NUDC: variants seen among roughly 807,000 people sequenced by gnomAD.
NUDC encodes nuclear migration protein nudC.
A neutral mutation model predicts 45.0 loss-of-function variants in NUDC; 14 were observed. The observed-to-expected ratio is 0.31, with a 90% CI of 0.21 to 0.49. The LOEUF (loss-of-function observed/expected upper bound fraction) is 0.49, where lower values mean the gene tolerates loss of function less well. Ranked by LOEUF, NUDC falls within the 20% of genes least tolerant of loss-of-function variation. The pLI is 0.99. For synonymous variants in NUDC, 153 were observed against 156.7 expected (o/e 0.98, Z 0.17); for missense variants, 323 against 426.2 (o/e 0.76, Z 2.13).
At chr1:26,912,105 A>G (rs952418425) in intron 3 of NUDC, 1 of 1,612,474 alleles carries the variant, frequency 6.2e-7, no homozygotes, top group Non-Finnish European at 8.5e-7. Context: ...AGAGAGGGAG[A>G]AGAGGGCTGG....
At chr1:26,905,151 ATTATTATTTTTT>A (rs2081997430) in intron 2 of NUDC, among the ~76,000 whole-genome samples, 1 of 105,028 alleles carries the variant, frequency 9.5e-6, no homozygotes, top group Admixed American at 1.1e-4. Context: ...TATTATTATT[ATTATTATTTTTT>A]TTTTTTTTTT....
intron 2 of NUDC, among the ~76,000 whole-genome samples, chr1:26,905,691 A>G (rs935065060): frequency 2.0e-5 from 3 of 151,768 alleles, no homozygotes; most frequent in African/African-American, 7.2e-5. Context: ...TAGGGAGGGT[A>G]TCCCTCACAG....
Position 26,946,510 on chromosome 1 carries a change from C to T in NUDC, c.*329C>T. The T allele has an allele frequency of 2.5e-6, 1 of 405,142 alleles. No homozygotes were observed. The highest frequency in any genetic ancestry group is 2.2e-5 in the South Asian group (1 of 45,986). 25.1% of individuals were successfully genotyped at this position (405,142 alleles called of 1,614,324 possible). A position where few individuals can be genotyped will look rare whatever the true frequency, so the allele number is the denominator to read the frequency against. ...CCAGATTCTGCCATGTGACCTAGGGCACATCCTTGCCCCTCTCTGGGCCTC... is the reference window on the plus strand; with the variant it reads ...CCAGATTCTGCCATGTGACCTAGGGTACATCCTTGCCCCTCTCTGGGCCTC... On this transcript the variant is annotated 3_prime_UTR_variant, in exon 9 of 9. Transcript: ENST00000321265.
At chr1:26,927,369 A>G (rs1296550217) in intron 2 of NUDC, among the ~76,000 whole-genome samples, 1 of 143,468 alleles carries the variant, frequency 7.0e-6, no homozygotes, top group Non-Finnish European at 1.5e-5. Flanking sequence ...TAGCCTCCCA[A>G]AGTGCTGGGA....
intron 6 of NUDC, among the ~76,000 whole-genome samples, chr1:26,944,273 A>C (rs149583878): frequency 6.6e-6 from 1 of 152,192 alleles, no homozygotes; most frequent in African/African-American, 2.4e-5. Flanking sequence ...CAGTGGCGCA[A>C]TCACGGCTTA....
At chr1:26,908,577 T>G (rs11801849) in intron 2 of NUDC, among the ~76,000 whole-genome samples, 3,678 of 152,194 alleles carry the variant, frequency 0.024, 153 homozygotes, top group African/African-American at 0.083. Context: ...TTATTTGTTT[T>G]GAGACAGGGT....
chr1:26,945,874 G>T (rs374111089), intron 8 of NUDC, among the ~76,000 whole-genome samples, 188 bp downstream of exon 8: 2 of 152,094 alleles, frequency 1.3e-5, no homozygotes, highest in African/African-American at 2.4e-5. Flanking sequence ...GGGCAAGGCC[G>T]GCTCATGGTG....
At chr1:26,913,571 C>A in intron 3 of NUDC, 1 of 1,614,114 alleles carries the variant, frequency 6.2e-7, no homozygotes, top group South Asian at 1.1e-5. Context: ...CTGGGCTCCT[C>A]CAGCAGAATC....
At chr1:26,927,126 G>A (rs2082138896) in intron 2 of NUDC, among the ~76,000 whole-genome samples, 3 of 152,076 alleles carry the variant, frequency 2.0e-5, no homozygotes, top group Admixed American at 2.0e-4. Context: ...AGAAGACTTT[G>A]TGAGGAAGTG....
At chr1:26,915,935 G>A (rs1397570305) in intron 3 of NUDC, among the ~76,000 whole-genome samples, 1 of 152,100 alleles carries the variant, frequency 6.6e-6, no homozygotes, top group South Asian at 2.1e-4. Flanking sequence ...GACTGGCTGG[G>A]TTCAAATCCT....
Position 26,900,401 on chromosome 1 carries a change from G to A in NUDC, c.-101+1G>A. 3.1e-6 allele frequency: 5 copies of A among 1,612,698 alleles called. No homozygotes were observed. The highest frequency in any genetic ancestry group is 1.1e-5 in the South Asian group (1 of 91,054). On this transcript the variant is annotated splice_donor_variant, in intron 1 of 6. Transcript: ENST00000435827. LOFTEE classifies it low-confidence loss of function (5UTR_SPLICE). ...CGGAGGGGATACCGCTCACTACCAGGTAAACTGTCGCCTCCTCCTCCGCCT... is the reference window on the plus strand; with the variant it reads ...CGGAGGGGATACCGCTCACTACCAGATAAACTGTCGCCTCCTCCTCCGCCT...
intron 2 of NUDC, among the ~76,000 whole-genome samples, chr1:26,938,193 G>A (rs1235832713): frequency 6.6e-6 from 1 of 152,192 alleles, no homozygotes; most frequent in African/African-American, 2.4e-5. Context: ...CAACCCTGGG[G>A]TTATCTGTCT....
chr1:26,924,231 C>T lies in NUDC; in HGVS notation c.159+65C>T, dbSNP rs2082113504. On this transcript the variant is annotated intron_variant, in intron 2 of 8. Transcript: ENST00000321265. Reference sequence around the variant, plus strand: ...TCTTCAGAAGAAAAGCTCACCTGGCCTTTCTTTGGCATAATAGTAACTTTC... The same window carrying T: ...TCTTCAGAAGAAAAGCTCACCTGGCTTTTCTTTGGCATAATAGTAACTTTC... The T allele has an allele frequency of 5.1e-6, 7 of 1,363,384 alleles. 1 individual carries two copies. The South Asian group carries it at 7.0e-5, about 14-fold the overall frequency. The allele number at this position is 1,363,384 out of a possible 1,614,324, so 84.5% of individuals were successfully genotyped here. A position where few individuals can be genotyped will look rare whatever the true frequency, so the allele number is the denominator to read the frequency against.
At chr1:26,935,895 AGGTGGT>A (rs72356353) in intron 2 of NUDC, among the ~76,000 whole-genome samples, 10,080 of 150,836 alleles carry the variant, frequency 0.067, 380 homozygotes, top group Non-Finnish European at 0.078. Flanking sequence ...TGGGAGGCTG[AGGTGGT>A]AGGATCACTT....
intron 2 of NUDC, among the ~76,000 whole-genome samples, chr1:26,928,863 G>C (rs2082155526): frequency 6.6e-6 from 1 of 152,200 alleles, no homozygotes; most frequent in South Asian, 2.1e-4. Context: ...CGTTATGGCG[G>C]TTTCTCAGAA....
At chr1:26,929,551 C>T (rs1215321794) in intron 2 of NUDC, among the ~76,000 whole-genome samples, 2 of 151,992 alleles carry the variant, frequency 1.3e-5, no homozygotes, top group Non-Finnish European at 2.9e-5. Flanking sequence ...AAATAAAATG[C>T]CATTTTATAT....
intron 2 of NUDC, chr1:26,929,626 A>G (rs1004143468): frequency 1.0e-5 from 3 of 291,890 alleles, no homozygotes; most frequent in South Asian, 8.3e-5. Flanking sequence ...CTTCGTGGGT[A>G]CGGTGGGACT....
intron 2 of NUDC, among the ~76,000 whole-genome samples, chr1:26,910,183 G>A (rs1288125932): frequency 6.6e-6 from 1 of 152,112 alleles, no homozygotes; most frequent in Non-Finnish European, 1.5e-5. Context: ...ACTGTGTGGG[G>A]GTCTGCAGTA....
intron 1 of NUDC, among the ~76,000 whole-genome samples, 199 bp from the exon 2 acceptor site, chr1:26,923,890 C>G (rs928320583): frequency 4.6e-5 from 7 of 152,150 alleles, no homozygotes; most frequent in Non-Finnish European, 8.8e-5. Flanking sequence ...GGCGCACACA[C>G]ACACAGGATA....
Sources: gnomAD v4.1 joint callset for allele counts (sites outside exome capture counted in the v4.1 genomes callset) on GRCh38, gnomAD v4.1.1 for gene constraint, MANE v1.5 for transcripts, NCBI Gene and HGNC (gene_info 2026-07-23, HGNC 2026-07-21) for gene names.